DENND3: variants seen among roughly 807,000 people sequenced by gnomAD.
DENND3 encodes the protein DENN domain containing 3, also known as DENN domain-containing protein 3.
DENND3 carries 88 observed loss-of-function variants against 135.1 expected under a neutral mutation model. The observed-to-expected ratio is 0.65, with a 90% confidence interval of 0.55 to 0.78. DENND3 has a LOEUF of 0.78. Ranked by LOEUF, DENND3 falls within the 30% of genes least tolerant of loss-of-function variation. DENND3 has a pLI of 0.00. For missense variants in DENND3, 1,392 were observed against 1,688.4 expected (o/e 0.82, Z 3.08); for synonymous variants, 693 against 712.3 (o/e 0.97, Z 0.43).
At position 141,165,236 on chromosome 8, in the gene DENND3, G is replaced by A. The variant is rs1820629625; in HGVS notation, c.1500G>A (p.Arg500=). ...FHSFLKARLN[R]RMDAFAQMDL... is the part of the protein sequence containing the mutation. ...CTTTTCTTAAAGCCCGGCTCAATAG[G>A]AGGATGGACGCCTTTGCTCAGATGG... The change falls in exon 11 of 23, where the codon AGG becomes AGA. Residue 500 remains arginine, a synonymous_variant. Transcript: ENST00000519811. The A allele has an allele frequency of 1.9e-6, 3 of 1,614,064 alleles. No homozygotes were observed. The highest frequency in any genetic ancestry group is 1.7e-5 in the Admixed American group (1 of 59,994).
At chr8:141,160,831 C>A in intron 9 of DENND3, 44 bp downstream of exon 9, 1 of 1,579,760 alleles carries the variant, frequency 6.3e-7, no homozygotes, top group Non-Finnish European at 8.7e-7. Flanking sequence ...AGGTAACCAG[C>A]CAGCCATCCA....
chr8:141,133,020 A>G (rs1816317328), intron 1 of DENND3, among the ~76,000 whole-genome samples: 3 of 152,180 alleles, frequency 2.0e-5, no homozygotes. Flanking sequence ...GTGGTAAAAT[A>G]CCACTGGGCA....
intron 14 of DENND3, chr8:141,176,095 A>C: frequency 5.6e-6 from 1 of 178,278 alleles, no homozygotes; most frequent in South Asian, 1.1e-4. Flanking sequence ...GTGGTCATAG[A>C]AGCCAGAAAG....
Position 141,192,420 on chromosome 8 carries a change from T to TC in DENND3, c.3471dup (p.Phe1158LeufsTer9), listed in dbSNP as rs746344138. On this transcript the variant is annotated frameshift_variant, in exon 21 of 23. Transcript: ENST00000519811. LOFTEE classifies it high-confidence loss of function. The stretch of plus-strand genomic sequence containing the variant: ...GGAGAACTTCAAAGACACCAGTACC[T>TC]CCTTCCTGGCCTTCCAGCTCCTTCC... 1 of 1,614,228 alleles carries TC rather than the reference T, an allele frequency of 6.2e-7. No individual in the cohort carries two copies. Among genetic ancestry groups the TC allele is most frequent in the Admixed American group, 1.7e-5 (1 of 60,026 alleles).
Position 141,189,075 on chromosome 8 carries a change from C to A in DENND3, c.3174C>A (p.Cys1058Ter). 3 of 1,614,200 alleles carry A rather than the reference C, an allele frequency of 1.9e-6. No homozygotes were observed. The highest frequency in any genetic ancestry group is 1.1e-5 in the South Asian group (1 of 91,082). ...IYIINVHSMS[C>*]NKQLTAHCSS... Reference sequence around the variant, plus strand: ...TCATCAACGTCCACAGCATGTCCTGCAACAAGCAGCTCACAGCCCACTGCT... The same window carrying A: ...TCATCAACGTCCACAGCATGTCCTGAAACAAGCAGCTCACAGCCCACTGCT... The change falls in exon 19 of 23, where the codon TGC becomes TGA. Residue 1058 changes from cysteine to a stop codon, truncating the protein, a stop_gained. Coordinates refer to ENST00000519811, the MANE Select transcript of DENND3 (RefSeq NM_001352890.3). LOFTEE classifies it high-confidence loss of function.
chr8:141,162,806 C>T (rs760466385), intron 9 of DENND3, among the ~76,000 whole-genome samples: 58 of 152,202 alleles, frequency 3.8e-4, no homozygotes, highest in Non-Finnish European at 7.2e-4. Flanking sequence ...CCCAGCTACT[C>T]GGGAGGCTGA....
In DENND3 at chr8:141,182,699, C is replaced by T. The variant is rs753328891; in HGVS notation, c.2944+1845C>T. On this transcript the variant is annotated intron_variant, in intron 17 of 22. Coordinates refer to ENST00000519811, the MANE Select transcript of DENND3 (RefSeq NM_001352890.3). This position sits in a 1 kb window ranked among gnomAD's most constrained non-coding sequence, Gnocchi z 5.9. ...CCGAGAAGCTGGTAGCCGAGCAGGG[C>T]TTTTGCAAGCCTTGTGAGATTGCAG... Among the ~76,000 whole-genome samples, 16 of 152,308 alleles carry T rather than the reference C, an allele frequency of 1.1e-4. No homozygotes were observed. The highest frequency in any genetic ancestry group is 2.1e-4 in the Non-Finnish European group (14 of 68,024).
At chr8:141,140,308 G>A (rs1490541117) in intron 3 of DENND3, among the ~76,000 whole-genome samples, 1 of 152,126 alleles carries the variant, frequency 6.6e-6, no homozygotes, top group Admixed American at 6.6e-5. Flanking sequence ...ATTGTGTCTG[G>A]GTAGCTCCAG....
At chr8:141,145,477 G>A (rs891502500) in intron 5 of DENND3, among the ~76,000 whole-genome samples, 2 of 152,116 alleles carry the variant, frequency 1.3e-5, no homozygotes, top group Admixed American at 1.3e-4. Flanking sequence ...CCTAGGCCAC[G>A]GTCACTCAGA....
intron 4 of DENND3, chr8:141,142,267 A>G: frequency 2.4e-6 from 1 of 424,086 alleles, no homozygotes; most frequent in Non-Finnish European, 4.7e-6. Context: ...TCATAAAGTT[A>G]CAGTCTGAGA....
At position 141,146,781 on chromosome 8, in the gene DENND3, A is replaced by G. The variant is rs1464980390; in HGVS notation, c.735+2522A>G. ...CAGCTCTGCTCCCAGAAGCCTTTGT[A>G]GGGCATGTTTATCGGCCGCGTGTTT... On this transcript the variant is annotated intron_variant, in intron 5 of 22. Coordinates refer to ENST00000519811, the MANE Select transcript of DENND3 (RefSeq NM_001352890.3). This position sits in a 1 kb window ranked among gnomAD's most constrained non-coding sequence, Gnocchi z 4.3. 1.3e-5 allele frequency among the ~76,000 whole-genome samples: 2 copies of G among 152,130 alleles called. No individual in the cohort carries two copies. The highest frequency in any genetic ancestry group is 2.9e-5 in the Non-Finnish European group (2 of 68,036).
chr8:141,149,793 A>G (rs545725238), intron 5 of DENND3, among the ~76,000 whole-genome samples: 104 of 152,362 alleles, frequency 6.8e-4, no homozygotes, highest in Non-Finnish European at 1.2e-3. Context: ...CATCAACATT[A>G]TAACAAAACG....
chr8:141,164,275 T>C (rs1309354571), intron 10 of DENND3, among the ~76,000 whole-genome samples: 1 of 152,268 alleles, frequency 6.6e-6, no homozygotes, highest in East Asian at 1.9e-4. Flanking sequence ...TGTTCTTCTG[T>C]CCACCTGCTA....
intron 7 of DENND3, 78 bp from the exon 8 acceptor site, chr8:141,155,771 T>C (rs1819358267): frequency 1.4e-6 from 2 of 1,470,216 alleles, no homozygotes; most frequent in African/African-American, 1.4e-5. Context: ...ACTCAAAACA[T>C]ATTTATGTGT....
intron 13 of DENND3, among the ~76,000 whole-genome samples, chr8:141,170,584 G>C (rs1821419726): frequency 6.6e-6 from 1 of 152,194 alleles, no homozygotes; most frequent in East Asian, 1.9e-4. Flanking sequence ...ATGAGGGTGA[G>C]CTCAGATGCT....
intron 6 of DENND3, 141 bp from the exon 7 acceptor site, chr8:141,151,478 T>A (rs1038752862): frequency 8.1e-6 from 6 of 738,882 alleles, no homozygotes; most frequent in Non-Finnish European, 1.3e-5. Flanking sequence ...GGAGGATTGC[T>A]TAAGCCCAGG....
In DENND3 at chr8:141,166,485, C is replaced by T. The variant is rs62522182; in HGVS notation, c.1753+96C>T. ...AAACTGGGACTTGTTTCAGGAGAGA[C>T]GAGTGGGCTTGTTTTAGCAGCTGAG... is the stretch of plus-strand genomic sequence containing the variant. On this transcript the variant is annotated intron_variant, in intron 12 of 22. Transcript: ENST00000519811. The surrounding 1 kb of genome is among the most constrained non-coding windows in gnomAD (Gnocchi z 4.3). 342,459 of 1,312,968 alleles carry T rather than the reference C, an allele frequency of 0.26. 46,207 individuals carry two copies. The highest frequency in any genetic ancestry group is 0.28 in the Non-Finnish European group (272,634 of 965,430). 81.3% of individuals were successfully genotyped at this position (1,312,968 alleles called of 1,614,324 possible). A position where few individuals can be genotyped will look rare whatever the true frequency, so the allele number is the denominator to read the frequency against.
rs193067126 is a variant in DENND3 at position 141,177,898 on chromosome 8, A to G, written c.2707-169A>G. The G allele has an allele frequency of 4.9e-6, 4 of 820,494 alleles. No homozygotes were observed. The Admixed American group carries it at 1.0e-4, about 21-fold the overall frequency. 50.8% of individuals were successfully genotyped at this position (820,494 alleles called of 1,614,324 possible). ...AAACAATCAATATTTGTCTTAAGTA[A>G]GAGAAGAAATATATGACATAAAATC... On this transcript the variant is annotated intron_variant, in intron 15 of 22. Transcript: ENST00000519811.
Position 141,128,626 on chromosome 8 carries a change from C to T in DENND3, c.-82C>T. 2 of 863,304 alleles carry T rather than the reference C, an allele frequency of 2.3e-6. No homozygotes were observed. The highest frequency in any genetic ancestry group is 3.0e-6 in the Non-Finnish European group (2 of 672,268). The allele number at this position is 863,304 out of a possible 1,614,324, so 53.5% of individuals were successfully genotyped here. On this transcript the variant is annotated 5_prime_UTR_variant, in exon 1 of 23. Transcript: ENST00000519811. The surrounding 1 kb of genome is among the most constrained non-coding windows in gnomAD (Gnocchi z 4.5). ...CGCAGCGCCCCCGGCCCCCAGGCGG[C>T]GCGGCTGGTCCCCAGGGGTCTGCGG...
Sources: allele counts gnomAD v4.1 joint callset (sites outside exome capture counted in the v4.1 genomes callset), GRCh38; gene constraint gnomAD v4.1.1; non-coding constraint Gnocchi (gnomAD v3.1); transcripts MANE v1.5; gene names NCBI Gene and HGNC (gene_info 2026-07-23, HGNC 2026-07-21).